PPP1R9A: variants seen among roughly 807,000 people sequenced by gnomAD.
The protein encoded by PPP1R9A is neurabin-1.
In PPP1R9A, 59 loss-of-function variants were observed where a neutral mutation model predicts 141.9. That is an observed-to-expected ratio of 0.42 (90% CI 0.34 to 0.52). PPP1R9A has a LOEUF of 0.52. PPP1R9A is among the 20% of genes least tolerant of loss of function. The pLI is 0.10. For missense variants in PPP1R9A, 1,444 were observed against 1,611.9 expected, an observed-to-expected ratio of 0.90 and a Z score of 1.78; for synonymous variants, 500 against 569.7, an observed-to-expected ratio of 0.88 and a Z score of 1.74.
At chr7:95,059,391 T>G (rs1811920932) in intron 2 of PPP1R9A, among the ~76,000 whole-genome samples, 1 of 152,192 alleles carries the variant, frequency 6.6e-6, no homozygotes, top group African/African-American at 2.4e-5. Flanking sequence ...TAATAGCTTT[T>G]TAGTCCTGTG....
intron 5 of PPP1R9A, among the ~76,000 whole-genome samples, chr7:95,164,597 G>C (rs1020002763): frequency 6.6e-5 from 10 of 151,924 alleles, no homozygotes; most frequent in Non-Finnish European, 1.3e-4. Context: ...TCTCAAACCA[G>C]TATTAAATGG....
intron 4 of PPP1R9A, among the ~76,000 whole-genome samples, chr7:95,121,516 G>A (rs770269199): frequency 3.3e-5 from 5 of 149,542 alleles, no homozygotes; most frequent in African/African-American, 1.0e-4. Flanking sequence ...TATCTTAGGC[G>A]AAGATTTTGA....
intron 2 of PPP1R9A, among the ~76,000 whole-genome samples, chr7:95,026,034 T>C (rs926653227): frequency 6.6e-6 from 1 of 152,218 alleles, no homozygotes; most frequent in African/African-American, 2.4e-5. Flanking sequence ...TTCCTTTAGC[T>C]CAGAGGAGTT....
chr7:94,921,980 G>A (rs1356803283), intron 2 of PPP1R9A, among the ~76,000 whole-genome samples: 1 of 151,758 alleles, frequency 6.6e-6, no homozygotes, highest in Non-Finnish European at 1.5e-5. Context: ...AGAAAAAGAA[G>A]GGCTGGGCCC....
In PPP1R9A at chr7:95,183,855, A is replaced by T. The variant is rs546327230; in HGVS notation, c.1755-14494A>T. Reference sequence around the variant, plus strand: ...AGATCCAGCTTTCTTTATTTTAAAAATTTTTTATTTTATTCTATTTTATTT... The same window carrying T: ...AGATCCAGCTTTCTTTATTTTAAAATTTTTTTATTTTATTCTATTTTATTT... On this transcript the variant is annotated intron_variant, in intron 5 of 19. Coordinates refer to ENST00000433360, the MANE Select transcript of PPP1R9A (RefSeq NM_001166160.2). 1.3e-3 allele frequency among the ~76,000 whole-genome samples: 202 copies of T among 151,610 alleles called. 1 individual carries two copies. The highest frequency in any genetic ancestry group is 0.012 in the East Asian group (60 of 5,124).
intron 16 of PPP1R9A, among the ~76,000 whole-genome samples, chr7:95,282,939 T>C (rs1399150476): frequency 6.6e-6 from 1 of 152,190 alleles, no homozygotes; most frequent in Non-Finnish European, 1.5e-5. Context: ...TTTCAAAATA[T>C]ATTTGAAATG....
intron 2 of PPP1R9A, among the ~76,000 whole-genome samples, chr7:95,053,562 G>A (rs1298657240): frequency 1.3e-5 from 2 of 152,164 alleles, no homozygotes; most frequent in African/African-American, 4.8e-5. Flanking sequence ...AAGCCTATTC[G>A]TAGATGTAAT....
At chr7:94,935,008 C>T (rs1283018005) in intron 2 of PPP1R9A, among the ~76,000 whole-genome samples, 1 of 152,122 alleles carries the variant, frequency 6.6e-6, no homozygotes, top group Non-Finnish European at 1.5e-5. Flanking sequence ...TACAGTTGCG[C>T]TCCACTGCAC....
chr7:94,954,626 T>C (rs997986684), intron 2 of PPP1R9A, among the ~76,000 whole-genome samples: 1 of 151,660 alleles, frequency 6.6e-6, no homozygotes, highest in Non-Finnish European at 1.5e-5. Flanking sequence ...TTGGTTCACT[T>C]AGATTTATTA....
At chr7:95,286,992 C>A (rs1394852818) in intron 18 of PPP1R9A, 7 of 1,055,956 alleles carry the variant, frequency 6.6e-6, no homozygotes, top group Non-Finnish European at 9.6e-6. Flanking sequence ...AGCTTTTCTG[C>A]CCGTATTCTT....
intron 7 of PPP1R9A, among the ~76,000 whole-genome samples, chr7:95,216,552 T>G (rs1793467549): frequency 6.6e-6 from 1 of 152,240 alleles, no homozygotes; most frequent in South Asian, 2.1e-4. Context: ...TAAATTACCT[T>G]GGGCAGTATG....
At chr7:94,929,168 C>CAATTTAA (rs1793849880) in intron 2 of PPP1R9A, among the ~76,000 whole-genome samples, 1 of 152,202 alleles carries the variant, frequency 6.6e-6, no homozygotes, top group Admixed American at 6.5e-5. Context: ...TCTAAGAGAG[C>CAATTTAA]ATCTTTTTGT....
intron 4 of PPP1R9A, among the ~76,000 whole-genome samples, chr7:95,153,736 T>C (rs946099132): frequency 1.4e-4 from 21 of 152,234 alleles, no homozygotes; most frequent in Admixed American, 9.2e-4. Flanking sequence ...CTTGAAAGTT[T>C]GGTAGAATTT....
At chr7:94,945,697 A>G (rs866492889) in intron 2 of PPP1R9A, among the ~76,000 whole-genome samples, 1 of 152,130 alleles carries the variant, frequency 6.6e-6, no homozygotes. Flanking sequence ...CAATAAAGAT[A>G]TAAACTTGTT....
chr7:95,043,761 T>C (rs1809595783), intron 2 of PPP1R9A, among the ~76,000 whole-genome samples: 2 of 152,216 alleles, frequency 1.3e-5, no homozygotes, highest in Non-Finnish European at 2.9e-5. Context: ...GCCCAGATAG[T>C]CACTAGCTGG....
intron 2 of PPP1R9A, among the ~76,000 whole-genome samples, chr7:94,957,086 G>A (rs879868840): frequency 6.6e-6 from 1 of 152,044 alleles, no homozygotes; most frequent in Admixed American, 6.6e-5. Flanking sequence ...ATCTTATTTT[G>A]GAACAAGTGG....
intron 2 of PPP1R9A, among the ~76,000 whole-genome samples, chr7:94,949,145 T>G (rs1796193682): frequency 6.6e-6 from 1 of 152,132 alleles, no homozygotes; most frequent in South Asian, 2.1e-4. Context: ...CCAGTTTTGA[T>G]TAGTCTAAGC....
intron 4 of PPP1R9A, among the ~76,000 whole-genome samples, chr7:95,132,669 G>T (rs1824872439): frequency 6.6e-6 from 1 of 152,010 alleles, no homozygotes; most frequent in Non-Finnish European, 1.5e-5. Flanking sequence ...CTTTGCTCAG[G>T]CTCACTGGGT....
At position 95,251,648 on chromosome 7, in the gene PPP1R9A, G is replaced by T. The variant is rs189918683; in HGVS notation, c.2397-114G>T. The T allele has an allele frequency of 2.6e-5, 24 of 929,360 alleles. 1 individual carries two copies. The South Asian group carries it at 4.8e-4, about 18-fold the overall frequency. 57.6% of individuals were successfully genotyped at this position (929,360 alleles called of 1,614,324 possible). ...TTTTTCCTCTAACTGATTGAATGTT[G>T]TCCATTTAAATAACTGTTCAGTTGC... is the stretch of plus-strand genomic sequence containing the variant. On this transcript the variant is annotated intron_variant, in intron 10 of 19. Transcript: ENST00000433360.
Sources: gnomAD v4.1 joint callset for allele counts (sites outside exome capture counted in the v4.1 genomes callset) on GRCh38, gnomAD v4.1.1 for gene constraint, MANE v1.5 for transcripts, NCBI Gene and HGNC (gene_info 2026-07-23, HGNC 2026-07-21) for gene names.